The following NOL8 variants were observed in gnomAD, a reference collection of about 807,000 sequenced individuals.
NOL8 encodes the protein nucleolar protein 8.
In NOL8, 93 loss-of-function variants were observed where a neutral mutation model predicts 116.1. The observed-to-expected ratio is 0.80, with a 90% CI of 0.68 to 0.95. The LOEUF (loss-of-function observed/expected upper bound fraction) is 0.95, where lower values mean the gene tolerates loss of function less well. Among genes scored for constraint, NOL8 ranks in the 40% least tolerant of loss-of-function variants. NOL8 has a pLI of 0.00. For synonymous variants in NOL8, 419 were observed against 469.0 expected (o/e 0.89, Z 1.38); for missense variants, 1,291 against 1,382.8 (o/e 0.93, Z 1.05).
chr9:92,315,043 T>C lies in NOL8; in HGVS notation c.1582A>G (p.Thr528Ala). ...KFDRGSKSPK[T>A]PTGLRRGRQC... ...CGGCCTCTGCGGAGGCCAGTGGGAG[T>C]CTTGGGGCTCTTGGAGCCTCTGTCA... Residue 528 changes from threonine to alanine, a missense_variant, in exon 7 of 17, where the codon ACT becomes GCT. By Grantham distance (58) the Thr-to-Ala change is moderately conservative. Transcript: ENST00000442668. 6.2e-7 allele frequency: 1 copy of C among 1,613,910 alleles called. No individual in the cohort carries two copies.
In NOL8 at chr9:92,315,324, A is replaced by G. The variant is rs781340393; in HGVS notation, c.1301T>C (p.Val434Ala). 4 of 1,613,598 alleles carry G rather than the reference A, an allele frequency of 2.5e-6. No homozygotes were observed. The highest frequency in any genetic ancestry group is 1.7e-5 in the Admixed American group (1 of 59,962). Residue 434 changes from valine (V) to alanine (A), a missense_variant, in exon 7 of 17, where the codon GTA becomes GCA. Val to Ala is a moderately conservative substitution (Grantham distance 64). Coordinates refer to ENST00000442668, the MANE Select transcript of NOL8 (RefSeq NM_017948.6). ...TAATCCATGACTGAGGGCTGACTCT[A>G]CATTGCTTTTTCTTTTTTGTAGTTT... ...CIKLQKRKSN[V>A]ESALSHGLKS...
In NOL8 at chr9:92,314,431, G is replaced by T; in HGVS notation, c.2194C>A (p.Arg732=). ...KSPKVSSKDT[R]EIKTDFSLSI... ...AGTGAGAAATCAGTTTTGATTTCCCGAGTGTCCTTGGATGAGACCTTTGGT... is the reference window on the plus strand; with the variant it reads ...AGTGAGAAATCAGTTTTGATTTCCCTAGTGTCCTTGGATGAGACCTTTGGT... The change falls in exon 7 of 17, where the codon CGG becomes AGG. Residue 732 remains arginine (R), a synonymous_variant. Coordinates refer to ENST00000442668, the MANE Select transcript of NOL8 (RefSeq NM_017948.6). 6.2e-7 allele frequency: 1 copy of T among 1,613,400 alleles called. No homozygotes were observed. The highest frequency in any genetic ancestry group is 8.5e-7 in the Non-Finnish European group (1 of 1,179,462).
In NOL8 at chr9:92,315,457, T is replaced by G. The variant is rs1282183879; in HGVS notation, c.1168A>C (p.Asn390His). Residue 390 changes from asparagine (N) to histidine (H), a missense_variant, in exon 7 of 17, where the codon AAT becomes CAT. Coordinates refer to ENST00000442668, the MANE Select transcript of NOL8 (RefSeq NM_017948.6). ...DTDEIIAMKK[N>H]VAKVKNSTEF... ...GTACTGTTTTTGACCTTAGCAACATTTTTTTTCATCGCAATAATTTCATCT... is the reference window on the plus strand; with the variant it reads ...GTACTGTTTTTGACCTTAGCAACATGTTTTTTCATCGCAATAATTTCATCT... The G allele has an allele frequency of 6.3e-7, 1 of 1,598,892 alleles. No individual in the cohort carries two copies. Among genetic ancestry groups the G allele is most frequent in the Non-Finnish European group, 8.5e-7 (1 of 1,171,774 alleles).
intron 12 of NOL8, among the ~76,000 whole-genome samples, chr9:92,304,878 A>T (rs1028951684): frequency 6.6e-6 from 1 of 152,152 alleles, no homozygotes; most frequent in African/African-American, 2.4e-5. Flanking sequence ...TCAAGATTCA[A>T]TTCAGGATAC....
chr9:92,323,585 A>C (rs1266434858), intron 2 of NOL8, 82 bp from the exon 3 acceptor site: 1 of 1,166,152 alleles, frequency 8.6e-7, no homozygotes, highest in Non-Finnish European at 1.2e-6. Context: ...TTGTTTCTAA[A>C]TTAAAAAAAA....
intron 7 of NOL8, 30 bp downstream of exon 7, chr9:92,314,237 G>C (rs746625062): frequency 6.6e-7 from 1 of 1,520,242 alleles, no homozygotes; most frequent in South Asian, 1.3e-5. Context: ...CTGAGTTCTT[G>C]TTAAATCCAT....
intron 7 of NOL8, among the ~76,000 whole-genome samples, chr9:92,312,860 C>T (rs1369874739): frequency 2.8e-5 from 4 of 142,816 alleles, no homozygotes. Context: ...AAAAGAAAAA[C>T]CACCTATTGG....
At position 92,318,576 on chromosome 9, in the gene NOL8, C is replaced by T. The variant is rs145208543; in HGVS notation, c.486+42G>A. The T allele has an allele frequency of 3.2e-4, 424 of 1,329,984 alleles. No individual in the cohort carries two copies. The African/African-American group carries it at 3.7e-3, about 11-fold the overall frequency. The allele number at this position is 1,329,984 out of a possible 1,614,324, so 82.4% of individuals were successfully genotyped here. A position where few individuals can be genotyped will look rare whatever the true frequency, so the allele number is the denominator to read the frequency against. On this transcript the variant is annotated intron_variant, in intron 6 of 16. Transcript: ENST00000442668. ...ATGCTAAAGGTATTTTACAAGTATC[C>T]GTCACTGTGGTAAATAATTATGTTG... is the stretch of plus-strand genomic sequence containing the variant.
In NOL8 at chr9:92,305,809, T is replaced by C. The variant is rs1838194322; in HGVS notation, c.2847A>G (p.Pro949=). ...KKFKDIIHYD[P]TKQDHATYER... Reference sequence around the variant, plus strand: ...CGTAAGTGGCATGGTCTTGCTTCGTTGGATCATAATGTATGATGTCCCTAT... The same window carrying C: ...CGTAAGTGGCATGGTCTTGCTTCGTCGGATCATAATGTATGATGTCCCTAT... The change falls in exon 12 of 17, where the codon CCA becomes CCG. Residue 949 remains proline (P), a synonymous_variant. Coordinates refer to ENST00000442668, the MANE Select transcript of NOL8 (RefSeq NM_017948.6). 1.2e-6 allele frequency: 2 copies of C among 1,612,572 alleles called. No homozygotes were observed. Among genetic ancestry groups the C allele is most frequent in the Non-Finnish European group, 1.7e-6 (2 of 1,178,818 alleles).
intron 16 of NOL8, 102 bp from the exon 17 acceptor site, chr9:92,297,988 A>G: frequency 9.7e-7 from 1 of 1,033,942 alleles, no homozygotes; most frequent in Non-Finnish European, 1.4e-6. Flanking sequence ...GGCTGTGGAA[A>G]CCTATTTTGA....
intron 10 of NOL8, among the ~76,000 whole-genome samples, chr9:92,307,518 C>A (rs1838387041): frequency 6.6e-6 from 1 of 152,142 alleles, no homozygotes; most frequent in South Asian, 2.1e-4. Flanking sequence ...AAACCATATG[C>A]CCTACACATA....
At chr9:92,303,278 G>GT (rs1335329901) in intron 12 of NOL8, among the ~76,000 whole-genome samples, 9 of 152,126 alleles carry the variant, frequency 5.9e-5, no homozygotes, top group Admixed American at 5.2e-4. Context: ...GAAGGGGTTG[G>GT]CAAACTATAG....
intron 4 of NOL8, among the ~76,000 whole-genome samples, chr9:92,320,691 C>A (rs1267345644): frequency 6.6e-6 from 1 of 151,988 alleles, no homozygotes; most frequent in Non-Finnish European, 1.5e-5. Flanking sequence ...ACTGCAACCT[C>A]CGCCTCCCAG....
chr9:92,323,134 A>C, intron 3 of NOL8: 1 of 384,414 alleles, frequency 2.6e-6, no homozygotes, highest in Non-Finnish European at 4.7e-6. Context: ...CTGAGGGGGA[A>C]TGTGGCATGA....
chr9:92,319,384 A>G (rs952121047), intron 4 of NOL8, 28 bp from the exon 5 acceptor site: 4 of 1,514,460 alleles, frequency 2.6e-6, no homozygotes, highest in Non-Finnish European at 3.5e-6. Context: ...TACAAATAAA[A>G]GAGTCAAAAT....
At chr9:92,307,504 A>G (rs1838384583) in intron 10 of NOL8, among the ~76,000 whole-genome samples, 1 of 152,190 alleles carries the variant, frequency 6.6e-6, no homozygotes, top group Non-Finnish European at 1.5e-5. Flanking sequence ...GTATTATGGG[A>G]AAAAAACCAT....
chr9:92,317,864 C>G (rs1469986525), intron 6 of NOL8, among the ~76,000 whole-genome samples: 1 of 151,398 alleles, frequency 6.6e-6, no homozygotes, highest in East Asian at 1.9e-4. Flanking sequence ...GAAACCCCGT[C>G]TCTAGTAAAA....
At chr9:92,300,766 C>T (rs751878399) in intron 13 of NOL8, 8 of 1,186,332 alleles carry the variant, frequency 6.7e-6, no homozygotes, top group Non-Finnish European at 7.5e-6. Context: ...GCTAGTGAAC[C>T]GAGATTGCAC....
chr9:92,305,191 C>T (rs2134096727), intron 12 of NOL8, among the ~76,000 whole-genome samples: 1 of 152,182 alleles, frequency 6.6e-6, no homozygotes, highest in South Asian at 2.1e-4. Context: ...GCCCTGAATG[C>T]TATCACAAGT....
Sources: gnomAD v4.1 joint callset for allele counts (sites outside exome capture counted in the v4.1 genomes callset) on GRCh38, gnomAD v4.1.1 for gene constraint, MANE v1.5 for transcripts, NCBI Gene and HGNC (gene_info 2026-07-23, HGNC 2026-07-21) for gene names.